The following TMCC1 variants were observed in gnomAD, a reference collection of about 807,000 sequenced individuals.
TMCC1 encodes transmembrane and coiled-coil domain family 1.
Under a neutral mutation model 52.4 loss-of-function variants are expected in TMCC1, and 15 were observed. That is an observed-to-expected ratio of 0.29 (90% CI 0.19 to 0.44). TMCC1 has a LOEUF of 0.44. Among genes scored for constraint, TMCC1 ranks in the 20% least tolerant of loss-of-function variants. The pLI, the probability that TMCC1 is intolerant of heterozygous loss-of-function variation, is 1.00. For missense variants in TMCC1, 503 were observed against 806.0 expected (o/e 0.62, Z 4.55); for synonymous variants, 279 against 301.9 (o/e 0.92, Z 0.79).
intron 4 of TMCC1, among the ~76,000 whole-genome samples, chr3:129,806,018 T>C (rs918064144): frequency 6.6e-6 from 1 of 152,176 alleles, no homozygotes; most frequent in African/African-American, 2.4e-5. Flanking sequence ...GTTTACTCAA[T>C]AACAAAACGT....
rs754122462 is a variant in TMCC1 at position 129,827,803 on chromosome 3, C to T, written c.576G>A (p.Arg192=). 1.2e-6 allele frequency: 2 copies of T among 1,609,664 alleles called. No homozygotes were observed. Among genetic ancestry groups the T allele is most frequent in the Admixed American group, 3.3e-5 (2 of 59,908 alleles). The change falls in exon 4 of 7, where the codon CGG becomes CGA. Residue 192 remains arginine (R), a splice_region_variant and synonymous_variant. Coordinates refer to ENST00000393238, the MANE Select transcript of TMCC1 (RefSeq NM_001017395.5). ...CLPGEEGTAE[R]IERLEVSSLA... ...GAAAAACAAAATCTTACAAACTTAC[C>T]CGCTCCGCAGTTCCCTCCTCTCCTG... is the stretch of plus-strand genomic sequence containing the variant.
chr3:129,665,864 A>C (rs532963829), intron 5 of TMCC1, among the ~76,000 whole-genome samples: 319 of 152,312 alleles, frequency 2.1e-3, no homozygotes, highest in Non-Finnish European at 3.8e-3. Flanking sequence ...TGTAGGGCCT[A>C]CTGTGAGGAT....
chr3:129,797,083 T>C (rs553753765), intron 4 of TMCC1, among the ~76,000 whole-genome samples: 3 of 152,294 alleles, frequency 2.0e-5, no homozygotes, highest in South Asian at 2.1e-4. Context: ...CCCAGCACTT[T>C]GGGAGGCTGA....
chr3:129,780,902 AGGTTG>A (rs2055467940), intron 4 of TMCC1, among the ~76,000 whole-genome samples: 1 of 152,186 alleles, frequency 6.6e-6, no homozygotes, highest in Non-Finnish European at 1.5e-5. Context: ...CACTAACTAC[AGGTTG>A]CTAGTTAAAT....
chr3:129,677,322 A>AT (rs1363293781), intron 4 of TMCC1, among the ~76,000 whole-genome samples: 3 of 152,228 alleles, frequency 2.0e-5, no homozygotes, highest in East Asian at 3.8e-4. Flanking sequence ...AGAATGAAGT[A>AT]TATTATATAC....
intron 6 of TMCC1, among the ~76,000 whole-genome samples, chr3:129,653,828 C>A (rs2086504515): frequency 6.6e-6 from 1 of 151,932 alleles, no homozygotes; most frequent in South Asian, 2.1e-4. Context: ...CTGTATCGCT[C>A]AATTACTAAA....
At chr3:129,866,954 A>G (rs1345750652) in intron 2 of TMCC1, 4 of 152,196 alleles carry the variant, frequency 2.6e-5, no homozygotes, top group African/African-American at 9.6e-5. Flanking sequence ...TTTATCAACA[A>G]TATTTTTATA....
intron 4 of TMCC1, among the ~76,000 whole-genome samples, chr3:129,800,251 T>C (rs192185182): frequency 7.9e-5 from 12 of 152,352 alleles, no homozygotes; most frequent in Middle Eastern, 3.4e-3. Flanking sequence ...TTTGAATCTA[T>C]GCTGTATCTA....
At chr3:129,797,986 C>CTTTTTTTTTTTTTTTTT (rs11417298) in intron 4 of TMCC1, among the ~76,000 whole-genome samples, 3 of 136,662 alleles carry the variant, frequency 2.2e-5, no homozygotes, top group African/African-American at 2.7e-5. Context: ...AGTTGTGTGC[C>CTTTTTTTTTTTTTTTTT]TTTTTTTTTT....
intron 5 of TMCC1, among the ~76,000 whole-genome samples, chr3:129,656,062 G>A (rs1244610684): frequency 1.3e-5 from 2 of 152,216 alleles, no homozygotes; most frequent in South Asian, 2.1e-4. Flanking sequence ...GATATTAAAT[G>A]AGCCCAAAGA....
chr3:129,823,360 T>G (rs1185475921), intron 4 of TMCC1, among the ~76,000 whole-genome samples: 1 of 152,012 alleles, frequency 6.6e-6, no homozygotes, highest in Non-Finnish European at 1.5e-5. Context: ...ATTTTATATA[T>G]TTAAAATTTT....
At chr3:129,658,531 T>C (rs1426242515) in intron 5 of TMCC1, among the ~76,000 whole-genome samples, 1 of 152,198 alleles carries the variant, frequency 6.6e-6, no homozygotes, top group Non-Finnish European at 1.5e-5. Context: ...GCCTGAGATA[T>C]TCTCTAGCAG....
At chr3:129,876,286 CA>C (rs61167884) in intron 2 of TMCC1, among the ~76,000 whole-genome samples, 499 of 91,014 alleles carry the variant, frequency 5.5e-3, no homozygotes, top group Admixed American at 7.9e-3. Context: ...ATGCCTGGCT[CA>C]AAAAAAAAAA....
At chr3:129,794,490 T>C (rs1362110490) in intron 4 of TMCC1, 1 of 415,388 alleles carries the variant, frequency 2.4e-6, no homozygotes, top group East Asian at 7.6e-5. Context: ...CCTGGGAGTC[T>C]TAGCAAACTT....
chr3:129,682,990 C>A (rs2089128543), intron 4 of TMCC1, among the ~76,000 whole-genome samples: 1 of 152,182 alleles, frequency 6.6e-6, no homozygotes, highest in Non-Finnish European at 1.5e-5. Context: ...CATGCGCCAC[C>A]ATGCCCGGCT....
In TMCC1 at chr3:129,771,055, C is replaced by T. The variant is rs150304245; in HGVS notation, c.576+56748G>A. 2.4e-3 allele frequency among the ~76,000 whole-genome samples: 367 copies of T among 152,296 alleles called. 3 individuals are homozygous for T. The highest frequency in any genetic ancestry group is 8.1e-3 in the African/African-American group (338 of 41,564). On this transcript the variant is annotated intron_variant, in intron 4 of 6. Transcript: ENST00000393238. The stretch of plus-strand genomic sequence containing the variant: ...CAATTAAGCATCAAAATCCCTGAAT[C>T]CCTGACAGCTATCCCTCTAATACTT...
intron 4 of TMCC1, among the ~76,000 whole-genome samples, chr3:129,817,649 A>AT (rs896051914): frequency 6.0e-5 from 9 of 149,996 alleles, no homozygotes; most frequent in Middle Eastern, 3.4e-3. Context: ...TAAGCTGGGA[A>AT]TTTTTTTTTT....
chr3:129,794,810 A>C (rs1316181642), intron 4 of TMCC1, among the ~76,000 whole-genome samples: 4 of 152,068 alleles, frequency 2.6e-5, no homozygotes, highest in Admixed American at 6.5e-5. Context: ...AGGCAACTGC[A>C]CCAATTCCTC....
chr3:129,776,598 G>C (rs1029618631), intron 4 of TMCC1, among the ~76,000 whole-genome samples: 1 of 152,194 alleles, frequency 6.6e-6, no homozygotes, highest in African/African-American at 2.4e-5. Context: ...GTTTCCCAAA[G>C]TGCTAGATGG....
Sources: allele counts gnomAD v4.1 joint callset (sites outside exome capture counted in the v4.1 genomes callset), GRCh38; gene constraint gnomAD v4.1.1; transcripts MANE v1.5; gene names NCBI Gene and HGNC (gene_info 2026-07-23, HGNC 2026-07-21).